The following ARHGEF4 variants were observed in gnomAD, a reference collection of about 807,000 sequenced individuals.
ARHGEF4 encodes the protein Rho guanine nucleotide exchange factor 4, also known as APC-stimulated guanine nucleotide exchange factor 1.
A neutral mutation model predicts 162.0 loss-of-function variants in ARHGEF4; 119 were observed. That is an observed-to-expected ratio of 0.73 (90% CI 0.63 to 0.86). ARHGEF4 has a LOEUF of 0.86. Among genes scored for constraint, ARHGEF4 ranks in the 40% least tolerant of loss-of-function variants. The pLI is 0.00. For missense variants in ARHGEF4, 2,488 were observed against 2,456.0 expected (o/e 1.01, Z -0.28); for synonymous variants, 1,014 against 979.9 (o/e 1.03, Z -0.65).
chr2:130,853,608 G>A (rs541865049), intron 1 of ARHGEF4, among the ~76,000 whole-genome samples: 9 of 152,288 alleles, frequency 5.9e-5, no homozygotes, highest in Middle Eastern at 3.4e-3. Context: ...TGGGCTGTCC[G>A]TGGTCCTGGT....
intron 2 of ARHGEF4, among the ~76,000 whole-genome samples, chr2:130,918,245 A>T (rs1681644345): frequency 6.6e-6 from 1 of 152,170 alleles, no homozygotes; most frequent in Non-Finnish European, 1.5e-5. Context: ...GTATAAAGAG[A>T]CAGGAAATGT....
At position 130,862,828 on chromosome 2, in the gene ARHGEF4, G is replaced by GTACTGCAGCCTGGGAAAC. The variant is rs1682027267; in HGVS notation, c.39+25837_39+25854dup. Among the ~76,000 whole-genome samples, 4 of 107,862 alleles carry GTACTGCAGCCTGGGAAAC rather than the reference G, an allele frequency of 3.7e-5. No individual in the cohort carries two copies. In the Admixed American group the frequency reaches 3.8e-4, roughly 10 times the overall value. The allele number at this position is 107,862 out of a possible 152,430, so 70.8% of individuals were successfully genotyped here. ...TGCAGTGAGCCATGATCGTGCCACT[G>GTACTGCAGCCTGGGAAAC]TACTGCAGCCTGGGAAACAGGGCAA... is the stretch of plus-strand genomic sequence containing the variant. On this transcript the variant is annotated intron_variant, in intron 1 of 13. Transcript: ENST00000409359.
At chr2:130,963,667 G>A (rs1387021134) in intron 4 of ARHGEF4, 9 of 146,010 alleles carry the variant, frequency 6.2e-5, no homozygotes, top group South Asian at 2.1e-4. Flanking sequence ...GCGCGCGTGC[G>A]TGAGCGCGTG....
chr2:130,871,668 A>G (rs1678497767), intron 1 of ARHGEF4, among the ~76,000 whole-genome samples: 1 of 152,050 alleles, frequency 6.6e-6, no homozygotes, highest in Non-Finnish European at 1.5e-5. Flanking sequence ...TTCCAAAATC[A>G]TCTGATCACT....
intron 4 of ARHGEF4, among the ~76,000 whole-genome samples, chr2:131,003,271 A>C (rs770278029): frequency 6.6e-6 from 1 of 152,148 alleles, no homozygotes; most frequent in African/African-American, 2.4e-5. Flanking sequence ...TCTGCACCTC[A>C]GTTCCTGATT....
At chr2:130,919,390 C>G (rs575062053) in intron 2 of ARHGEF4, among the ~76,000 whole-genome samples, 2 of 152,308 alleles carry the variant, frequency 1.3e-5, no homozygotes, top group South Asian at 4.1e-4. Flanking sequence ...CACTCAACAG[C>G]AGTATCTGAG....
intron 4 of ARHGEF4, among the ~76,000 whole-genome samples, chr2:131,008,591 T>C (rs1218663879): frequency 1.3e-5 from 2 of 152,186 alleles, no homozygotes; most frequent in African/African-American, 2.4e-5. Context: ...ACATGTTCTT[T>C]GTGTTACTCC....
intron 3 of ARHGEF4, among the ~76,000 whole-genome samples, chr2:130,931,571 T>C (rs1159302622): frequency 6.6e-6 from 1 of 152,206 alleles, no homozygotes; most frequent in African/African-American, 2.4e-5. Context: ...ATTTAATGAG[T>C]GCCTGCTGTG....
intron 2 of ARHGEF4, among the ~76,000 whole-genome samples, chr2:130,918,494 C>A (rs985277390): frequency 6.6e-6 from 1 of 152,234 alleles, no homozygotes; most frequent in African/African-American, 2.4e-5. Flanking sequence ...GCCGAGTCTT[C>A]CGCGCGCCCA....
At chr2:130,838,144 T>C (rs1388940466) in intron 1 of ARHGEF4, among the ~76,000 whole-genome samples, 1 of 152,200 alleles carries the variant, frequency 6.6e-6, no homozygotes, top group African/African-American at 2.4e-5. Flanking sequence ...GTGTAGGAGA[T>C]GGCTTGGAAG....
chr2:130,982,734 A>G (rs1410026097), intron 4 of ARHGEF4, among the ~76,000 whole-genome samples: 1 of 152,136 alleles, frequency 6.6e-6, no homozygotes, highest in Non-Finnish European at 1.5e-5. Flanking sequence ...ATCTTCATAT[A>G]TATAACTTTT....
chr2:130,979,224 T>C (rs1242082276), intron 4 of ARHGEF4, among the ~76,000 whole-genome samples: 7 of 152,226 alleles, frequency 4.6e-5, no homozygotes, highest in African/African-American at 1.7e-4. Flanking sequence ...TATTAAGGCA[T>C]ATCAGAATTT....
chr2:130,976,345 G>C (rs955035763), intron 4 of ARHGEF4, among the ~76,000 whole-genome samples: 3 of 62,772 alleles, frequency 4.8e-5, no homozygotes, highest in Non-Finnish European at 4.7e-5. Flanking sequence ...GTGTGTGTGT[G>C]TGTCTGTGTG....
intron 4 of ARHGEF4, among the ~76,000 whole-genome samples, chr2:130,957,071 A>G (rs1684329805): frequency 6.6e-6 from 1 of 152,142 alleles, no homozygotes; most frequent in South Asian, 2.1e-4. Context: ...CAGGGATTAC[A>G]GGCTCTTCTC....
At chr2:131,003,596 A>G (rs1466013034) in intron 4 of ARHGEF4, among the ~76,000 whole-genome samples, 2 of 152,188 alleles carry the variant, frequency 1.3e-5, no homozygotes, top group African/African-American at 2.4e-5. Context: ...TTGCCTGTCA[A>G]TGAGGAAGAA....
intron 5 of ARHGEF4, among the ~76,000 whole-genome samples, chr2:131,031,056 C>T (rs781633051): frequency 6.6e-6 from 1 of 152,154 alleles, no homozygotes; most frequent in Non-Finnish European, 1.5e-5. Flanking sequence ...TTTGGCTTGC[C>T]CTAAAATCAC....
chr2:130,985,243 G>T (rs1250688973), intron 4 of ARHGEF4, among the ~76,000 whole-genome samples: 1 of 152,094 alleles, frequency 6.6e-6, no homozygotes, highest in African/African-American at 2.4e-5. Flanking sequence ...GCCAAAAGTG[G>T]GCAGGCAGCT....
intron 1 of ARHGEF4, among the ~76,000 whole-genome samples, chr2:130,864,140 T>A (rs539253246): frequency 6.6e-6 from 1 of 150,916 alleles, no homozygotes; most frequent in Non-Finnish European, 1.5e-5. Context: ...GAGCCGAGAT[T>A]GCACCACTGC....
intron 1 of ARHGEF4, chr2:130,837,762 T>G: frequency 3.2e-6 from 1 of 313,754 alleles, no homozygotes. Flanking sequence ...GGGCTCCTAC[T>G]CCGGGAGCAA....
Sources: gnomAD v4.1 joint callset for allele counts (sites outside exome capture counted in the v4.1 genomes callset) on GRCh38, gnomAD v4.1.1 for gene constraint, MANE v1.5 for transcripts, NCBI Gene and HGNC (gene_info 2026-07-23, HGNC 2026-07-21) for gene names.